Variants in PARP4 observed in about 807,000 individuals in gnomAD.
PARP4 encodes the protein protein mono-ADP-ribosyltransferase PARP4.
In PARP4, 120 loss-of-function variants were observed where a neutral mutation model predicts 187.7. The observed-to-expected ratio is 0.64, with a 90% CI of 0.55 to 0.74. The LOEUF is 0.74. PARP4 is among the 30% of genes least tolerant of loss of function. The pLI is 0.00. For synonymous variants in PARP4, 654 were observed against 740.9 expected, an observed-to-expected ratio of 0.88 and a Z score of 1.90; for missense variants, 1,836 against 2,070.5, an observed-to-expected ratio of 0.89 and a Z score of 2.20.
chr13:24,463,476 C>T (rs937786562), intron 17 of PARP4, among the ~76,000 whole-genome samples: 1 of 152,070 alleles, frequency 6.6e-6, no homozygotes, highest in Non-Finnish European at 1.5e-5. Flanking sequence ...AATGTAGAGA[C>T]ATTTCCCCTT....
rs550303786 is a variant in PARP4, at chr13:24,479,567, T to C, written c.1449-1291A>G. Among the ~76,000 whole-genome samples, 8 of 152,248 alleles carry C rather than the reference T, an allele frequency of 5.3e-5. No individual in the cohort carries two copies. The East Asian group carries it at 1.5e-3, about 29-fold the overall frequency. On this transcript the variant is annotated intron_variant, in intron 12 of 33. Coordinates refer to ENST00000381989, the MANE Select transcript of PARP4 (RefSeq NM_006437.4). ...ATTGACACTCTGTATCTAGCTACTCTGGTGGGGCCTTGGAGAACCTTTGTG... is the reference window on the plus strand; with the variant it reads ...ATTGACACTCTGTATCTAGCTACTCCGGTGGGGCCTTGGAGAACCTTTGTG...
intron 1 of PARP4, among the ~76,000 whole-genome samples, chr13:24,507,782 C>G (rs2137555313): frequency 6.6e-6 from 1 of 152,332 alleles, no homozygotes; most frequent in Admixed American, 6.5e-5. Flanking sequence ...CTCATTCCCT[C>G]CTGGCCACAC....
chr13:24,505,024 G>A (rs1869540389), intron 1 of PARP4, among the ~76,000 whole-genome samples: 1 of 130,392 alleles, frequency 7.7e-6, no homozygotes, highest in African/African-American at 3.2e-5. Flanking sequence ...TTTTTTTTGA[G>A]TCAGGGTCTC....
intron 3 of PARP4, 71 bp downstream of exon 3, chr13:24,501,562 G>C: frequency 1.0e-6 from 1 of 978,610 alleles, no homozygotes; most frequent in East Asian, 2.4e-5. Flanking sequence ...TCTGCCTATG[G>C]TATCTTTGAC....
chr13:24,459,227 C>A (rs754717370), intron 19 of PARP4, 37 bp downstream of exon 19: 4 of 1,588,084 alleles, frequency 2.5e-6, no homozygotes. Context: ...AAACCAATAT[C>A]CATTGAATTG....
At chr13:24,424,315 T>C (rs1194260660) in intron 33 of PARP4, among the ~76,000 whole-genome samples, 2 of 152,220 alleles carry the variant, frequency 1.3e-5, no homozygotes, top group African/African-American at 2.4e-5. Flanking sequence ...TTGCTTTTGG[T>C]TGATATGTCT....
At chr13:24,498,297 A>C (rs1869073115) in intron 5 of PARP4, 68 bp from the exon 6 acceptor site, 1 of 860,164 alleles carries the variant, frequency 1.2e-6, no homozygotes, top group Admixed American at 2.0e-5. Flanking sequence ...CCATTTGAAA[A>C]TGTTGATTAT....
At chr13:24,429,302 C>CTGGGACATCTG (rs1870215780) in intron 32 of PARP4, among the ~76,000 whole-genome samples, 1 of 152,194 alleles carries the variant, frequency 6.6e-6, no homozygotes, top group Non-Finnish European at 1.5e-5. Context: ...ATTCTAACAT[C>CTGGGACATCTG]TGGGTCATCT....
intron 15 of PARP4, among the ~76,000 whole-genome samples, chr13:24,472,090 T>G (rs1176041660): frequency 6.6e-6 from 1 of 152,226 alleles, no homozygotes; most frequent in Non-Finnish European, 1.5e-5. Flanking sequence ...CAGAATGATC[T>G]GAGTTCAAAT....
chr13:24,448,065 T>C (rs1037505697), intron 25 of PARP4, among the ~76,000 whole-genome samples: 1 of 144,668 alleles, frequency 6.9e-6, no homozygotes, highest in African/African-American at 2.8e-5. Context: ...GGTGTGGTGG[T>C]GTGGGTGTGG....
chr13:24,499,129 CA>C (rs1185680296), intron 5 of PARP4, among the ~76,000 whole-genome samples, 171 bp downstream of exon 5: 3 of 151,502 alleles, frequency 2.0e-5, no homozygotes, highest in African/African-American at 7.3e-5. Context: ...TCTGTCTCCA[CA>C]AAAATAAATA....
chr13:24,433,420 C>A (rs1214883871), intron 31 of PARP4, among the ~76,000 whole-genome samples: 1 of 152,166 alleles, frequency 6.6e-6, no homozygotes, highest in Non-Finnish European at 1.5e-5. Flanking sequence ...GACTTTGTCA[C>A]CCCCATGACC....
In PARP4 at chr13:24,459,069, CTG is replaced by C. The variant is rs1566000804; in HGVS notation, c.2397_2398del (p.Phe799LeufsTer2). 1 of 1,609,500 alleles carries C rather than the reference CTG, an allele frequency of 6.2e-7. No individual in the cohort carries two copies. The highest frequency in any genetic ancestry group is 1.1e-5 in the South Asian group (1 of 90,626). On this transcript the variant is annotated frameshift_variant, in exon 20 of 34. Transcript: ENST00000381989. LOFTEE classifies it high-confidence loss of function. ...CTTTTGTTTCAGTTCATGTGTATCACTGAAAATGAATTCAATCACATACGGCA... is the reference window on the plus strand; with the variant it reads ...CTTTTGTTTCAGTTCATGTGTATCACAAAATGAATTCAATCACATACGGCA...
intron 1 of PARP4, among the ~76,000 whole-genome samples, chr13:24,511,253 T>C (rs1350315895): frequency 6.6e-6 from 1 of 152,136 alleles, no homozygotes; most frequent in South Asian, 2.1e-4. Flanking sequence ...GCCAGCCCTC[T>C]TCTGGGTTAA....
intron 1 of PARP4, 83 bp downstream of exon 1, chr13:24,512,623 T>A (rs1289144331): frequency 6.6e-6 from 1 of 152,540 alleles, no homozygotes; most frequent in African/African-American, 2.4e-5. Flanking sequence ...GTGCAGCCAC[T>A]GGCGGGAAAG....
rs763647306 is a variant in PARP4 at position 24,434,932 on chromosome 13, C to A, written c.4209G>T (p.Gly1403=). The A allele has an allele frequency of 6.2e-6, 10 of 1,613,738 alleles. No homozygotes were observed. In the African/African-American group the frequency reaches 1.3e-4, roughly 22 times the overall value. The change falls in exon 31 of 34, where the codon GGG becomes GGT. Residue 1403 remains glycine (G), a synonymous_variant. Coordinates refer to ENST00000381989, the MANE Select transcript of PARP4 (RefSeq NM_006437.4). ...SSPYCGIVFS[G]SSLSSAQSAP... The stretch of plus-strand genomic sequence containing the variant: ...CAGACTGTGCAGAGCTTAATGAGCT[C>A]CCTGAAAAAACAATGCCACAATAGG...
At chr13:24,459,190 C>G in intron 19 of PARP4, 68 bp from the exon 20 acceptor site, 1 of 1,580,064 alleles carries the variant, frequency 6.3e-7, no homozygotes, top group Non-Finnish European at 8.6e-7. Context: ...TTATTTCAAA[C>G]AATTCTAAAT....
intron 17 of PARP4, among the ~76,000 whole-genome samples, chr13:24,468,400 CTTTTTTT>C (rs140804702): frequency 8.2e-6 from 1 of 121,266 alleles, no homozygotes; most frequent in Admixed American, 8.7e-5. Context: ...TATCACACTC[CTTTTTTT>C]TTTTTTTTTT....
chr13:24,427,873 A>C (rs1870136687), intron 32 of PARP4, among the ~76,000 whole-genome samples: 1 of 152,222 alleles, frequency 6.6e-6, no homozygotes, highest in Admixed American at 6.5e-5. Flanking sequence ...AGTATTATTT[A>C]CAAAATGTTA....
Sources: allele counts gnomAD v4.1 joint callset (sites outside exome capture counted in the v4.1 genomes callset), GRCh38; gene constraint gnomAD v4.1.1; transcripts MANE v1.5; gene names NCBI Gene and HGNC (gene_info 2026-07-23, HGNC 2026-07-21).